Variants in ATP10A observed in about 807,000 individuals in gnomAD.
The protein encoded by ATP10A is ATPase phospholipid transporting 10A (putative).
Under a neutral mutation model 147.8 loss-of-function variants are expected in ATP10A, and 111 were observed. The observed-to-expected ratio is 0.75, with a 90% confidence interval of 0.64 to 0.88. The LOEUF (loss-of-function observed/expected upper bound fraction) is 0.88, where lower values mean the gene tolerates loss of function less well. Among genes scored for constraint, ATP10A ranks in the 40% least tolerant of loss-of-function variants. The pLI is 0.00. For synonymous variants in ATP10A, 875 were observed against 841.6 expected (o/e 1.04, Z -0.69); for missense variants, 1,927 against 1,959.0 (o/e 0.98, Z 0.31).
chr15:25,744,187 T>A (rs1440810667), intron 2 of ATP10A, among the ~76,000 whole-genome samples: 1 of 152,132 alleles, frequency 6.6e-6, no homozygotes, highest in Non-Finnish European at 1.5e-5. Context: ...ACTGCTGAGC[T>A]CCTTTTGTGC....
At chr15:25,707,308 C>T (rs1901090056) in intron 12 of ATP10A, among the ~76,000 whole-genome samples, 1 of 152,042 alleles carries the variant, frequency 6.6e-6, no homozygotes, top group Admixed American at 6.5e-5. Context: ...TCGAGAAGTA[C>T]CACCTGACTC....
At chr15:25,702,755 T>A (rs1402746111) in intron 12 of ATP10A, among the ~76,000 whole-genome samples, 1 of 144,764 alleles carries the variant, frequency 6.9e-6, no homozygotes, top group Non-Finnish European at 1.5e-5. Context: ...TGCCTCAGAT[T>A]TTTTTTTTTT....
rs1307081385 is a variant in ATP10A at position 25,687,805 on chromosome 15, T to G, written c.3189A>C (p.Ala1063=). 6.2e-7 allele frequency: 1 copy of G among 1,613,828 alleles called. No individual in the cohort carries two copies. Among genetic ancestry groups the G allele is most frequent in the African/African-American group, 1.3e-5 (1 of 74,920 alleles). The change falls in exon 16 of 21, where the codon GCA becomes GCC. Residue 1063 remains alanine (A), a synonymous_variant. Transcript: ENST00000555815. ...GMQAVMASDF[A]VPKFRYLERL... ...TCTCCAGGTATCGGAATTTCGGCACTGCAAAGTCGCTGGCCATCACTGCCT... is the reference window on the plus strand; with the variant it reads ...TCTCCAGGTATCGGAATTTCGGCACGGCAAAGTCGCTGGCCATCACTGCCT...
At chr15:25,674,865 G>T (rs1241000762), downstream of ATP10A, among the ~76,000 whole-genome samples, 3 of 152,222 alleles carry the variant, frequency 2.0e-5, no homozygotes. Flanking sequence ...CCGGGGCCTG[G>T]GGCCTCCCCA....
At chr15:25,711,828 C>T (rs537312731) in intron 10 of ATP10A, among the ~76,000 whole-genome samples, 11 of 152,324 alleles carry the variant, frequency 7.2e-5, no homozygotes, top group African/African-American at 2.2e-4. Flanking sequence ...AGAGGCTCCC[C>T]GGCCTGGGCA....
intron 8 of ATP10A, 97 bp downstream of exon 8, chr15:25,718,084 AT>A (rs1901933791): frequency 7.8e-7 from 1 of 1,288,520 alleles, no homozygotes; most frequent in Non-Finnish European, 1.1e-6. Flanking sequence ...GCGACAGTGT[AT>A]TTGTAGGATT....
In ATP10A at chr15:25,695,223, T is replaced by G. The variant is rs926752196; in HGVS notation, c.2761-77A>C. On this transcript the variant is annotated intron_variant, in intron 13 of 20. Coordinates refer to ENST00000555815, the MANE Select transcript of ATP10A (RefSeq NM_024490.4). ...CATCCCCGCCCTGGCTCAACACCTC[T>G]GGAGCTGACATCCTTCCGGGCTCCA... 3.0e-4 allele frequency: 413 copies of G among 1,372,510 alleles called. 1 individual carries two copies. Among genetic ancestry groups the G allele is most frequent in the Middle Eastern group, 2.1e-3 (11 of 5,362 alleles). The allele number at this position is 1,372,510 out of a possible 1,614,324, so 85.0% of individuals were successfully genotyped here.
At chr15:25,720,252 CA>C (rs1902129970) in intron 7 of ATP10A, among the ~76,000 whole-genome samples, 1 of 152,162 alleles carries the variant, frequency 6.6e-6, no homozygotes, top group Non-Finnish European at 1.5e-5. Flanking sequence ...TACAATGTGG[CA>C]TGATTAAATC....
intron 10 of ATP10A, among the ~76,000 whole-genome samples, chr15:25,711,403 C>T (rs1020085461): frequency 6.6e-6 from 1 of 152,062 alleles, no homozygotes; most frequent in African/African-American, 2.4e-5. Flanking sequence ...ACCCCTCCAC[C>T]GCTCCCCAAG....
chr15:25,679,925 G>A lies in ATP10A; in HGVS notation c.3916C>T (p.Leu1306=). Residue 1306 remains leucine (L), a synonymous_variant, in exon 21 of 21, where the codon CTG becomes TTG. Transcript: ENST00000555815. Reference sequence around the variant, plus strand: ...GACTTCCTGGTCAACTGACGTGCCAGCTGAAGTTGTGTGGGGAAAACCCTC... The same window carrying A: ...GACTTCCTGGTCAACTGACGTGCCAACTGAAGTTGTGTGGGGAAAACCCTC... ...QGRVFPTQLQ[L]ARQLTRKSPR... is the part of the protein sequence containing the mutation. The A allele has an allele frequency of 3.1e-6, 5 of 1,607,624 alleles. No individual in the cohort carries two copies. Among genetic ancestry groups the A allele is most frequent in the Non-Finnish European group, 4.3e-6 (5 of 1,176,186 alleles).
intron 1 of ATP10A, among the ~76,000 whole-genome samples, chr15:25,851,297 C>T (rs1407266413): frequency 6.6e-6 from 1 of 152,036 alleles, no homozygotes; most frequent in African/African-American, 2.4e-5. Context: ...ATGGAGGGCT[C>T]TGTTCCAAGG....
intron 1 of ATP10A, among the ~76,000 whole-genome samples, chr15:25,799,786 G>C (rs1169908449): frequency 2.6e-5 from 4 of 152,092 alleles, no homozygotes; most frequent in Non-Finnish European, 5.9e-5. Context: ...TATAGCTTCA[G>C]GGCATCACTG....
intron 7 of ATP10A, among the ~76,000 whole-genome samples, chr15:25,720,293 T>C (rs900450784): frequency 3.9e-5 from 6 of 152,228 alleles, no homozygotes; most frequent in African/African-American, 1.4e-4. Context: ...TCACTTTGCT[T>C]GCCTATCATG....
At chr15:25,736,252 G>A in intron 2 of ATP10A, 111 bp from the exon 3 acceptor site, 2 of 789,428 alleles carry the variant, frequency 2.5e-6, no homozygotes, top group East Asian at 2.7e-5. Context: ...CACGGGGGAA[G>A]AACTCTGCCT....
chr15:25,863,645 A>G (rs889357526), upstream of ATP10A: 1 of 152,284 alleles, frequency 6.6e-6, no homozygotes, highest in Non-Finnish European at 1.5e-5. Flanking sequence ...TCCATCCTGG[A>G]CGGCGAAACG....
rs1465994131 is a variant in ATP10A, at chr15:25,862,893, CTTGG to C, written c.200_203del (p.Thr67SerfsTer36). The C allele has an allele frequency of 6.2e-7, 1 of 1,611,668 alleles. No homozygotes were observed. The highest frequency in any genetic ancestry group is 8.5e-7 in the Non-Finnish European group (1 of 1,179,266). ...TGGGCAGGAAGGACAGCAGCGTGTA[CTTGG>C]TAGTCTTGAGCCGGTTGTCGGCCAG... On this transcript the variant is annotated frameshift_variant, in exon 1 of 21. Coordinates refer to ENST00000555815, the MANE Select transcript of ATP10A (RefSeq NM_024490.4). LOFTEE classifies it high-confidence loss of function.
intron 2 of ATP10A, among the ~76,000 whole-genome samples, chr15:25,757,630 G>C (rs1888493221): frequency 6.6e-6 from 1 of 152,158 alleles, no homozygotes; most frequent in Non-Finnish European, 1.5e-5. Context: ...ATGAGGATTT[G>C]TTTTTGGTAA....
chr15:25,847,800 T>G (rs1386020081), intron 1 of ATP10A, among the ~76,000 whole-genome samples: 1 of 151,588 alleles, frequency 6.6e-6, no homozygotes. Context: ...CCAGCTAATT[T>G]TTCGTATTTT....
intron 1 of ATP10A, among the ~76,000 whole-genome samples, chr15:25,823,889 G>T (rs1003804138): frequency 6.6e-6 from 1 of 152,172 alleles, no homozygotes; most frequent in Non-Finnish European, 1.5e-5. Context: ...ATTTCTGTAA[G>T]GAGCCAGAGA....
Sources: allele counts gnomAD v4.1 joint callset (sites outside exome capture counted in the v4.1 genomes callset), GRCh38; gene constraint gnomAD v4.1.1; transcripts MANE v1.5; gene names NCBI Gene and HGNC (gene_info 2026-07-23, HGNC 2026-07-21).